MIR2052HG: variants seen among roughly 807,000 people sequenced by gnomAD.
MIR2052HG encodes the protein MIR2052 host gene.
chr8:74,666,114 G>A (rs1808921211), intron 2 of MIR2052HG, among the ~76,000 whole-genome samples: 1 of 152,074 alleles, frequency 6.6e-6, no homozygotes, highest in Admixed American at 6.5e-5. Flanking sequence ...TCATACAACT[G>A]TCCCTGCCTC....
intron 2 of MIR2052HG, among the ~76,000 whole-genome samples, chr8:74,699,791 A>G (rs74735866): frequency 0.012 from 1,802 of 152,252 alleles, 39 homozygotes; most frequent in African/African-American, 0.041. Flanking sequence ...TTGAAATTTA[A>G]AAAATACAAT....
chr8:74,683,863 A>G (rs1200244708), intron 2 of MIR2052HG, among the ~76,000 whole-genome samples: 1 of 151,934 alleles, frequency 6.6e-6, no homozygotes, highest in African/African-American at 2.4e-5. Flanking sequence ...CCCTTGTTTT[A>G]TTTTGATGAC....
intron 3 of MIR2052HG, among the ~76,000 whole-genome samples, chr8:74,703,450 C>T (rs1244684747): frequency 6.6e-6 from 1 of 151,930 alleles, no homozygotes; most frequent in African/African-American, 2.4e-5. Flanking sequence ...CATGCTGGCT[C>T]CAAGCTAACA....
At chr8:74,657,484 T>C (rs1033033948) in intron 2 of MIR2052HG, among the ~76,000 whole-genome samples, 3 of 152,142 alleles carry the variant, frequency 2.0e-5, no homozygotes, top group African/African-American at 7.2e-5. Context: ...CCCAGGAGTC[T>C]ATTAGAAATG....
At chr8:74,724,566 G>A (rs1809614934) in intron 4 of MIR2052HG, among the ~76,000 whole-genome samples, 1 of 152,174 alleles carries the variant, frequency 6.6e-6, no homozygotes, top group Non-Finnish European at 1.5e-5. Flanking sequence ...TGATGATATA[G>A]ATTAACTCCT....
At chr8:74,675,220 G>T (rs957816386) in intron 2 of MIR2052HG, among the ~76,000 whole-genome samples, 3 of 151,912 alleles carry the variant, frequency 2.0e-5, no homozygotes, top group Non-Finnish European at 4.4e-5. Context: ...AGTATTATTG[G>T]CCCTTCATAC....
chr8:74,665,694 T>A (rs1275006649), intron 2 of MIR2052HG, among the ~76,000 whole-genome samples: 1 of 152,218 alleles, frequency 6.6e-6, no homozygotes, highest in Non-Finnish European at 1.5e-5. Context: ...ATTATAATAC[T>A]TCAGGCCATA....
chr8:74,757,482 A>G (rs1810016323), intron 5 of MIR2052HG: 1 of 152,232 alleles, frequency 6.6e-6, no homozygotes, highest in Non-Finnish European at 1.5e-5. Context: ...GATGGTAATA[A>G]TGATAATTGC....
intron 1 of MIR2052HG, among the ~76,000 whole-genome samples, chr8:74,612,271 G>A (rs1586888552): frequency 1.3e-5 from 2 of 152,264 alleles, no homozygotes; most frequent in South Asian, 2.1e-4. Flanking sequence ...AGAGAATTGG[G>A]TTGGTCCACT....
rs191838986 is a variant in MIR2052HG, at chr8:74,756,045, G to T, written n.465-2066G>T. On this transcript the variant is annotated intron_variant and non_coding_transcript_variant, in intron 5 of 6. Transcript: ENST00000523442. ...GAGGTGGGGGGTCTCCAGACCACCTGCACTCCTGAAAGACTGACTATACGT... is the reference window on the plus strand; with the variant it reads ...GAGGTGGGGGGTCTCCAGACCACCTTCACTCCTGAAAGACTGACTATACGT... Among the ~76,000 whole-genome samples the T allele has an allele frequency of 9.8e-5, 15 of 152,312 alleles. No individual in the cohort carries two copies. The East Asian group carries it at 2.1e-3, about 22-fold the overall frequency.
chr8:74,708,372 C>T (rs1414867297), intron 4 of MIR2052HG, among the ~76,000 whole-genome samples: 1 of 152,164 alleles, frequency 6.6e-6, no homozygotes, highest in East Asian at 1.9e-4. Flanking sequence ...TGCAAACCTT[C>T]CTCATGAGAA....
At chr8:74,613,091 G>C (rs1808223821) in intron 2 of MIR2052HG, among the ~76,000 whole-genome samples, 2 of 152,202 alleles carry the variant, frequency 1.3e-5, no homozygotes. Context: ...AGTTTTGTGG[G>C]TAGAGGTTCA....
chr8:74,655,232 AC>A (rs1456127820), intron 2 of MIR2052HG, among the ~76,000 whole-genome samples: 1 of 151,994 alleles, frequency 6.6e-6, no homozygotes, highest in Non-Finnish European at 1.5e-5. Flanking sequence ...GAAAAGAAAA[AC>A]CCATTTTTTG....
chr8:74,728,022 T>C (rs1809654552), intron 4 of MIR2052HG, among the ~76,000 whole-genome samples: 1 of 152,228 alleles, frequency 6.6e-6, no homozygotes, highest in African/African-American at 2.4e-5. Flanking sequence ...ACCTACATAC[T>C]CTCAATTACA....
At chr8:74,731,113 C>G (rs1327625579) in intron 4 of MIR2052HG, among the ~76,000 whole-genome samples, 1 of 152,132 alleles carries the variant, frequency 6.6e-6, no homozygotes, top group Non-Finnish European at 1.5e-5. Flanking sequence ...CTGTCATTGA[C>G]TACTCCAGAA....
At chr8:74,691,489 T>A (rs1357822539) in intron 2 of MIR2052HG, among the ~76,000 whole-genome samples, 1 of 152,176 alleles carries the variant, frequency 6.6e-6, no homozygotes, top group African/African-American at 2.4e-5. Context: ...GGGAAATTCC[T>A]TGGAAAGGTT....
intron 2 of MIR2052HG, among the ~76,000 whole-genome samples, chr8:74,687,326 C>T (rs1809192946): frequency 1.3e-5 from 2 of 152,122 alleles, no homozygotes; most frequent in Admixed American, 1.3e-4. Context: ...CCATATGATC[C>T]AGCAATTCCA....
intron 1 of MIR2052HG, among the ~76,000 whole-genome samples, chr8:74,602,876 T>TTCTTTCTTTCTTTCTTTC (rs1586883851): frequency 2.7e-4 from 37 of 137,100 alleles, no homozygotes; most frequent in East Asian, 6.7e-4. Flanking sequence ...TTTCTTTCTT[T>TTCTTTCTTTCTTTCTTTC]TTTCTATTCA....
chr8:74,712,807 G>C (rs1487334686), intron 4 of MIR2052HG, among the ~76,000 whole-genome samples: 1 of 151,088 alleles, frequency 6.6e-6, no homozygotes, highest in African/African-American at 2.4e-5. Flanking sequence ...ATATGACATT[G>C]ATTTTTTTCT....
Sources: allele counts gnomAD v4.1 joint callset (sites outside exome capture counted in the v4.1 genomes callset), GRCh38; gene constraint gnomAD v4.1.1; transcripts MANE v1.5; gene names NCBI Gene and HGNC (gene_info 2026-07-23, HGNC 2026-07-21).